The following ALG5 variants were observed in gnomAD, a reference collection of about 807,000 sequenced individuals.
ALG5 encodes dolichyl-phosphate beta-glucosyltransferase.
A neutral mutation model predicts 51.8 loss-of-function variants in ALG5; 26 were observed. The observed-to-expected ratio is 0.50, with a 90% CI of 0.37 to 0.70. ALG5 has a LOEUF of 0.70. Among genes scored for constraint, ALG5 ranks in the 30% least tolerant of loss-of-function variants. The pLI is 0.00. For missense variants in ALG5, 311 were observed against 399.3 expected (o/e 0.78, Z 1.88); for synonymous variants, 141 against 136.1 (o/e 1.04, Z -0.25).
chr13:36,972,900 G>A lies in ALG5; in HGVS notation c.562-864C>T, dbSNP rs189512842. ...CCAGCTACTCGGGAGGCTGAGGCAG[G>A]AGAATGGCGTGAACCCAGGAGGCAG... is the stretch of plus-strand genomic sequence containing the variant. On this transcript the variant is annotated intron_variant, in intron 6 of 9. Coordinates refer to ENST00000239891, the MANE Select transcript of ALG5 (RefSeq NM_013338.5). Among the ~76,000 whole-genome samples, 584 of 150,578 alleles carry A rather than the reference G, an allele frequency of 3.9e-3. 16 individuals carry two copies. The East Asian group carries it at 0.081, about 21-fold the overall frequency.
At chr13:36,969,035 A>G (rs1010153219) in intron 7 of ALG5, among the ~76,000 whole-genome samples, 1 of 152,170 alleles carries the variant, frequency 6.6e-6, no homozygotes, top group African/African-American at 2.4e-5. Flanking sequence ...TAAACCAAAC[A>G]CTTGGTTTTA....
chr13:36,991,809 G>T (rs1172699951), intron 4 of ALG5, among the ~76,000 whole-genome samples: 1 of 152,146 alleles, frequency 6.6e-6, no homozygotes, highest in East Asian at 1.9e-4. Context: ...ACCCAGGCTG[G>T]AGTTCAGTCG....
intron 5 of ALG5, among the ~76,000 whole-genome samples, chr13:36,987,246 C>T (rs2059005981): frequency 6.6e-6 from 1 of 152,172 alleles, no homozygotes; most frequent in South Asian, 2.1e-4. Context: ...TATACCAGCT[C>T]CTCCTCCAGT....
chr13:36,954,392 A>G (rs999206342), intron 8 of ALG5, among the ~76,000 whole-genome samples: 1 of 152,186 alleles, frequency 6.6e-6, no homozygotes, highest in South Asian at 2.1e-4. Flanking sequence ...AAGAGGTTTC[A>G]TTATGTATCC....
rs372409089 is a variant in ALG5, at chr13:36,994,968, T to C, written c.285+21A>G. On this transcript the variant is annotated intron_variant, in intron 3 of 9. Transcript: ENST00000239891. ...TCTAGTTTTAATTGGAGATATCATATTAAAAGAGAAAACATGATACCTGTC... is the reference window on the plus strand; with the variant it reads ...TCTAGTTTTAATTGGAGATATCATACTAAAAGAGAAAACATGATACCTGTC... 3 of 1,607,976 alleles carry C rather than the reference T, an allele frequency of 1.9e-6. No homozygotes were observed. In the African/African-American group the frequency reaches 4.0e-5, roughly 22 times the overall value.
In ALG5 at chr13:36,961,842, C is replaced by T. The variant is rs568124449; in HGVS notation, c.773+3733G>A. Among the ~76,000 whole-genome samples, 419 of 152,216 alleles carry T rather than the reference C, an allele frequency of 2.8e-3. 3 individuals are homozygous for T. The highest frequency in any genetic ancestry group is 9.4e-3 in the African/African-American group (392 of 41,520). On this transcript the variant is annotated intron_variant, in intron 8 of 9. Transcript: ENST00000239891. ...TGTCACCCAGACTGGAGTGCAGTGG[C>T]GTGATCTCGGCTCACTGCAACCTCT... is the stretch of plus-strand genomic sequence containing the variant.
At chr13:36,966,427 T>C (rs1250659487) in intron 7 of ALG5, among the ~76,000 whole-genome samples, 1 of 152,234 alleles carries the variant, frequency 6.6e-6, no homozygotes, top group Admixed American at 6.5e-5. Flanking sequence ...TTTTAAAACA[T>C]AAGAACATAA....
intron 7 of ALG5, chr13:36,967,638 T>G (rs2058901050): frequency 2.8e-6 from 1 of 359,300 alleles, no homozygotes. Flanking sequence ...TCATCTAGAA[T>G]CATTAGTTAT....
In ALG5 at chr13:36,993,586, A is replaced by G. The variant is rs2059035071; in HGVS notation, c.354+18T>C. On this transcript the variant is annotated intron_variant, in intron 4 of 9. Transcript: ENST00000239891. ...CTATTTTCTAACTATTGTCAATTCT[A>G]AAAGCAAGTGTATTTACCTTTGAGG... The G allele has an allele frequency of 3.7e-6, 6 of 1,603,276 alleles. No individual in the cohort carries two copies. Among genetic ancestry groups the G allele is most frequent in the Non-Finnish European group, 5.1e-6 (6 of 1,170,560 alleles).
At chr13:36,963,336 A>ACGTT (rs2058876849) in intron 8 of ALG5, among the ~76,000 whole-genome samples, 1 of 152,236 alleles carries the variant, frequency 6.6e-6, no homozygotes, top group South Asian at 2.1e-4. Context: ...CTGCCCTAGA[A>ACGTT]CAATCCTGAC....
chr13:36,968,283 C>T (rs10507444), intron 7 of ALG5, among the ~76,000 whole-genome samples: 10,078 of 152,054 alleles, frequency 0.066, 745 homozygotes, highest in African/African-American at 0.19. Flanking sequence ...TCAGTGTTAA[C>T]GCTAGTATCT....
At chr13:36,986,458 C>T (rs993026918) in intron 5 of ALG5, among the ~76,000 whole-genome samples, 18 of 152,170 alleles carry the variant, frequency 1.2e-4, no homozygotes, top group Non-Finnish European at 1.9e-4. Flanking sequence ...TTATTTCTTA[C>T]GTGCAAATAT....
At position 36,965,560 on chromosome 13, in the gene ALG5, C is replaced by T. The variant is rs1203810321; in HGVS notation, c.773+15G>A. 6.2e-7 allele frequency: 1 copy of T among 1,610,592 alleles called. No homozygotes were observed. ...GTCATAAGACAGACTGGATACATTC[C>T]AGTCAGAAACCTACCATCGTTCAAC... On this transcript the variant is annotated intron_variant, in intron 8 of 9. Transcript: ENST00000239891.
chr13:36,968,029 T>C (rs1263162489), intron 7 of ALG5: 4 of 234,522 alleles, frequency 1.7e-5, no homozygotes, highest in African/African-American at 6.7e-5. Context: ...CAGAAAAATG[T>C]AGAGTTCACA....
intron 8 of ALG5, among the ~76,000 whole-genome samples, chr13:36,955,473 T>G (rs2058835328): frequency 6.6e-6 from 1 of 151,626 alleles, no homozygotes; most frequent in Non-Finnish European, 1.5e-5. Flanking sequence ...ATAGGTTTTT[T>G]AAAAAGTTAA....
At position 36,979,789 on chromosome 13, in the gene ALG5, T is replaced by G. The variant is rs188225305; in HGVS notation, c.561+5838A>C. ...AAGGGCCAGGCGTGGTGACTCAGCC[T>G]GTAATCCCAGCACTTTGGGGGCCAA... On this transcript the variant is annotated intron_variant, in intron 6 of 9. Coordinates refer to ENST00000239891, the MANE Select transcript of ALG5 (RefSeq NM_013338.5). Among the ~76,000 whole-genome samples, 5 of 152,304 alleles carry G rather than the reference T, an allele frequency of 3.3e-5. No individual in the cohort carries two copies. In the East Asian group the frequency reaches 9.7e-4, roughly 29 times the overall value.
chr13:36,952,122 A>G (rs1391966542), intron 9 of ALG5, among the ~76,000 whole-genome samples: 1 of 152,198 alleles, frequency 6.6e-6, no homozygotes, highest in African/African-American at 2.4e-5. Flanking sequence ...AGCTTTGCAT[A>G]GTGGTTTGCA....
chr13:36,967,191 C>T (rs771148417), intron 7 of ALG5, among the ~76,000 whole-genome samples: 1 of 150,492 alleles, frequency 6.6e-6, no homozygotes, highest in Non-Finnish European at 1.5e-5. Flanking sequence ...CCACTGTACC[C>T]CAGCCTGGGT....
chr13:36,969,088 T>C (rs1034079193), intron 7 of ALG5, among the ~76,000 whole-genome samples: 4 of 152,206 alleles, frequency 2.6e-5, no homozygotes, highest in Non-Finnish European at 5.9e-5. Flanking sequence ...GAATTATAAA[T>C]ATGTGGTTCC....
Sources: allele counts gnomAD v4.1 joint callset (sites outside exome capture counted in the v4.1 genomes callset), GRCh38; gene constraint gnomAD v4.1.1; transcripts MANE v1.5; gene names NCBI Gene and HGNC (gene_info 2026-07-23, HGNC 2026-07-21).